The following GABRA1 variants were observed in gnomAD, a reference collection of about 807,000 sequenced individuals.
GABRA1 encodes gamma-aminobutyric acid receptor subunit alpha-1.
Under a neutral mutation model 48.9 loss-of-function variants are expected in GABRA1, and 9 were observed. That is an observed-to-expected ratio of 0.18 (90% confidence interval 0.11 to 0.32). The LOEUF is 0.32. Among genes scored for constraint, GABRA1 ranks in the 10% least tolerant of loss-of-function variants. The probability of loss-of-function intolerance (pLI) is 1.00; values close to 1 mark genes in which losing one functional copy is unlikely to be tolerated. For synonymous variants in GABRA1, 210 were observed against 198.7 expected (o/e 1.06, Z -0.48); for missense variants, 285 against 553.8 (o/e 0.51, Z 4.87).
Position 161,850,934 on chromosome 5 carries a change from T to C in GABRA1, c.74+50T>C, listed in dbSNP as rs767834699. The stretch of plus-strand genomic sequence containing the variant: ...GCATGAAAATTTCTGTAACTTTTCA[T>C]TTATTTTATCGGGGGAAGAAAATTG... On this transcript the variant is annotated intron_variant, in intron 2 of 9. Transcript: ENST00000393943. 1.1e-5 allele frequency: 17 copies of C among 1,499,490 alleles called. No homozygotes were observed. The South Asian group carries it at 1.9e-4, about 17-fold the overall frequency. The allele number at this position is 1,499,490 out of a possible 1,614,324, so 92.9% of individuals were successfully genotyped here.
At chr5:161,874,469 C>A (rs1476308351) in intron 5 of GABRA1, among the ~76,000 whole-genome samples, 2 of 152,048 alleles carry the variant, frequency 1.3e-5, no homozygotes, top group Non-Finnish European at 2.9e-5. Context: ...ACACCATACA[C>A]TTGGCTTTGA....
At chr5:161,890,853 T>C in intron 7 of GABRA1, 45 bp from the exon 8 acceptor site, 2 of 1,590,092 alleles carry the variant, frequency 1.3e-6, no homozygotes, top group South Asian at 1.1e-5. Context: ...ATTACCTTTT[T>C]CTAAAGTCAA....
In GABRA1 at chr5:161,848,395, G is replaced by A. The variant is rs1023408948; in HGVS notation, c.-43G>A. 1 of 152,578 alleles carries A rather than the reference G, an allele frequency of 6.6e-6. No individual in the cohort carries two copies. Among genetic ancestry groups the A allele is most frequent in the African/African-American group, 2.4e-5 (1 of 41,292 alleles). The allele number at this position is 152,578 out of a possible 1,614,324, so 9.5% of individuals were successfully genotyped here. On this transcript the variant is annotated 5_prime_UTR_variant, in exon 1 of 10. Transcript: ENST00000393943. ...CTCCCAGACTTTTCCCCGGTCTTAA[G>A]AGATCCTGTGTCCAGAGGGGGCCTT... is the stretch of plus-strand genomic sequence containing the variant.
chr5:161,866,718 A>G (rs187316686), intron 4 of GABRA1, among the ~76,000 whole-genome samples: 2 of 152,266 alleles, frequency 1.3e-5, no homozygotes, highest in Admixed American at 1.3e-4. Flanking sequence ...GTATTTGCCC[A>G]AGACCTTTTT....
chr5:161,888,653 C>A (rs966948977), intron 7 of GABRA1, among the ~76,000 whole-genome samples: 6 of 151,986 alleles, frequency 3.9e-5, no homozygotes, highest in African/African-American at 1.2e-4. Flanking sequence ...AATAATAATG[C>A]ATGCCCCTGA....
chr5:161,855,770 G>A (rs1757622379), intron 3 of GABRA1, among the ~76,000 whole-genome samples: 2 of 151,256 alleles, frequency 1.3e-5, no homozygotes, highest in South Asian at 2.1e-4. Context: ...GAAAATACTG[G>A]TTGTAATGTA....
chr5:161,852,067 G>T (rs918068897), intron 2 of GABRA1, among the ~76,000 whole-genome samples: 2 of 151,860 alleles, frequency 1.3e-5, no homozygotes, highest in African/African-American at 4.8e-5. Flanking sequence ...TTTTTTTCTG[G>T]CAATTAAAAC....
At chr5:161,890,549 CTA>C (rs1755043580) in intron 7 of GABRA1, among the ~76,000 whole-genome samples, 1 of 152,096 alleles carries the variant, frequency 6.6e-6, no homozygotes, top group South Asian at 2.1e-4. Flanking sequence ...ACCCATTGGT[CTA>C]TGTCACAGGG....
intron 2 of GABRA1, 88 bp downstream of exon 2, chr5:161,850,972 T>C: frequency 1.8e-6 from 2 of 1,100,556 alleles, no homozygotes; most frequent in South Asian, 2.5e-5. Context: ...CTCAAATGAA[T>C]TTATGACTAA....
chr5:161,873,987 G>GA (rs1233385321), intron 5 of GABRA1, among the ~76,000 whole-genome samples: 1 of 151,940 alleles, frequency 6.6e-6, no homozygotes, highest in African/African-American at 2.4e-5. Context: ...ATTTTATATA[G>GA]AAAAAAAGAG....
In GABRA1 at chr5:161,868,418, A is replaced by C. The variant is rs111563213; in HGVS notation, c.255+2630A>C. Among the ~76,000 whole-genome samples, 837 of 109,866 alleles carry C rather than the reference A, an allele frequency of 7.6e-3. 4 individuals carry two copies. Among genetic ancestry groups the C allele is most frequent in the African/African-American group, 0.03 (773 of 25,476 alleles). The allele number at this position is 109,866 out of a possible 152,430, so 72.1% of individuals were successfully genotyped here. ...AAAAGGACTGAAATAGGTAAAATTGATGTTTTTTTTCCAAATTAACCTATC... is the reference window on the plus strand; with the variant it reads ...AAAAGGACTGAAATAGGTAAAATTGCTGTTTTTTTTCCAAATTAACCTATC... On this transcript the variant is annotated intron_variant, in intron 4 of 9. Coordinates refer to ENST00000393943, the MANE Select transcript of GABRA1 (RefSeq NM_001127644.2).
chr5:161,889,221 C>A (rs762617136), intron 7 of GABRA1, among the ~76,000 whole-genome samples: 1 of 151,968 alleles, frequency 6.6e-6, no homozygotes, highest in African/African-American at 2.4e-5. Flanking sequence ...TCTACCAGTT[C>A]TGATTGAGGA....
At chr5:161,871,994 G>A (rs183786707) in intron 4 of GABRA1, among the ~76,000 whole-genome samples, 100 of 152,236 alleles carry the variant, frequency 6.6e-4, no homozygotes, top group African/African-American at 2.1e-3. Context: ...AGTTAAGTTC[G>A]TACACGAAAC....
chr5:161,894,155 C>A (rs984692076), intron 8 of GABRA1, among the ~76,000 whole-genome samples: 9 of 152,144 alleles, frequency 5.9e-5, no homozygotes, highest in Admixed American at 4.6e-4. Context: ...CTAAACACTT[C>A]ATTGCATTAC....
chr5:161,880,067 G>C (rs987798883), intron 6 of GABRA1, among the ~76,000 whole-genome samples: 5 of 152,158 alleles, frequency 3.3e-5, no homozygotes, highest in African/African-American at 1.2e-4. Context: ...CTAATATACA[G>C]TTTTGCCTAG....
intron 6 of GABRA1, among the ~76,000 whole-genome samples, chr5:161,878,235 G>T (rs536147036): frequency 6.6e-6 from 1 of 152,264 alleles, no homozygotes; most frequent in African/African-American, 2.4e-5. Context: ...GAATGAAACA[G>T]AGCAGACTAG....
chr5:161,875,466 A>G, intron 5 of GABRA1, 94 bp from the exon 6 acceptor site: 1 of 978,106 alleles, frequency 1.0e-6, no homozygotes, highest in South Asian at 1.3e-5. Context: ...CTTCTTTGTT[A>G]ATATATTTGC....
intron 8 of GABRA1, among the ~76,000 whole-genome samples, chr5:161,893,009 A>AAATAATAATAAT (rs60042641): frequency 5.6e-4 from 68 of 122,422 alleles, no homozygotes; most frequent in Non-Finnish European, 7.5e-4. Context: ...CTTCTCAAAA[A>AAATAATAATAAT]AATAATAATA....
intron 5 of GABRA1, among the ~76,000 whole-genome samples, chr5:161,874,445 T>TC (rs111834922): frequency 0.17 from 26,415 of 151,692 alleles, 2,996 homozygotes; most frequent in African/African-American, 0.32. Flanking sequence ...TTTGAAATAT[T>TC]CCCCCCTGAT....
Sources: gnomAD v4.1 joint callset for allele counts (sites outside exome capture counted in the v4.1 genomes callset) on GRCh38, gnomAD v4.1.1 for gene constraint, MANE v1.5 for transcripts, NCBI Gene and HGNC (gene_info 2026-07-23, HGNC 2026-07-21) for gene names.